Variants in PCDHA8 observed in about 807,000 individuals in gnomAD.
PCDHA8 encodes the protein protocadherin alpha 8, also known as protocadherin alpha-8.
In PCDHA8, 53 loss-of-function variants were observed where a neutral mutation model predicts 61.8. That is an observed-to-expected ratio of 0.86 (90% confidence interval 0.69 to 1.08). The LOEUF (loss-of-function observed/expected upper bound fraction) is 1.08. Ranked by LOEUF, PCDHA8 falls within the 50% of genes least tolerant of loss-of-function variation. PCDHA8 has a pLI of 0.00. For synonymous variants in PCDHA8, 618 were observed against 556.6 expected, an observed-to-expected ratio of 1.11 and a Z score of -1.55; for missense variants, 1,293 against 1,245.0, an observed-to-expected ratio of 1.04 and a Z score of -0.58.
intron 1 of PCDHA8, among the ~76,000 whole-genome samples, chr5:140,973,706 G>A (rs143845626): frequency 4.6e-5 from 7 of 152,274 alleles, no homozygotes; most frequent in South Asian, 4.1e-4. Context: ...TCTGACCCAG[G>A]AGTGAGCCAT....
Position 140,856,118 on chromosome 5 carries a change from G to A in PCDHA8, c.2394+12403G>A. On this transcript the variant is annotated intron_variant, in intron 1 of 3. Coordinates refer to ENST00000531613, the MANE Select transcript of PCDHA8 (RefSeq NM_018911.3). ...CTCGCTTCTTCTCCTCGCAGCCTGG[G>A]AGGTGGGGAGCGGCCAGCTCCACTA... 1.3e-6 allele frequency: 2 copies of A among 1,598,234 alleles called. 1 individual carries two copies. The highest frequency in any genetic ancestry group is 2.7e-5 in the African/African-American group (2 of 74,402).
chr5:140,903,415 A>T (rs1303652958), intron 1 of PCDHA8, among the ~76,000 whole-genome samples: 1 of 152,238 alleles, frequency 6.6e-6, no homozygotes, highest in East Asian at 1.9e-4. Flanking sequence ...GTCAGGAAAA[A>T]TTCAGCACAA....
At chr5:140,877,376 G>C in intron 1 of PCDHA8, 1 of 1,614,014 alleles carries the variant, frequency 6.2e-7, no homozygotes, top group South Asian at 1.1e-5. Flanking sequence ...AGCACGACAC[G>C]CATCCTGGAT....
At chr5:140,862,999 C>T (rs547997534) in intron 1 of PCDHA8, 28 of 550,142 alleles carry the variant, frequency 5.1e-5, no homozygotes, top group African/African-American at 4.9e-4. Context: ...GCACGGTGGA[C>T]TCCAGCTATG....
chr5:141,008,871 C>T (rs1249220900), intron 3 of PCDHA8, among the ~76,000 whole-genome samples: 2 of 152,168 alleles, frequency 1.3e-5, no homozygotes, highest in African/African-American at 4.8e-5. Context: ...TGCTGCATCC[C>T]ACCACCCTTC....
chr5:140,971,202 C>T (rs1486022070), intron 1 of PCDHA8, among the ~76,000 whole-genome samples: 1 of 152,156 alleles, frequency 6.6e-6, no homozygotes, highest in Non-Finnish European at 1.5e-5. Context: ...AGGAAAGACA[C>T]TGTTACCCTC....
intron 1 of PCDHA8, chr5:140,928,545 T>C: frequency 6.2e-7 from 1 of 1,614,220 alleles, no homozygotes; most frequent in Non-Finnish European, 8.5e-7. Flanking sequence ...GGAATGACAA[T>C]TATCCGGTTA....
intron 1 of PCDHA8, chr5:140,926,614 C>A (rs2083406581): frequency 5.3e-6 from 2 of 377,642 alleles, no homozygotes; most frequent in Admixed American, 4.4e-5. Context: ...TCTCTGCACC[C>A]CTAGGCGGCG....
chr5:140,971,420 TGAA>T (rs782149033), intron 1 of PCDHA8, among the ~76,000 whole-genome samples: 3 of 152,112 alleles, frequency 2.0e-5, no homozygotes, highest in Non-Finnish European at 4.4e-5. Flanking sequence ...GGAAATCCAG[TGAA>T]GAACCCCAAG....
chr5:140,968,114 A>G, intron 1 of PCDHA8: 1 of 1,614,164 alleles, frequency 6.2e-7, no homozygotes, highest in Non-Finnish European at 8.5e-7. Context: ...ACCGCAGCTC[A>G]CATCCCTGCG....
chr5:140,985,739 CTTTTTTTTT>C (rs11372071), intron 3 of PCDHA8, among the ~76,000 whole-genome samples: 4 of 117,922 alleles, frequency 3.4e-5, no homozygotes, highest in African/African-American at 3.2e-5. Flanking sequence ...TGATGAATTC[CTTTTTTTTT>C]TTTTTTTTTT....
At chr5:140,858,175 G>A in intron 1 of PCDHA8, 2 of 1,597,716 alleles carry the variant, frequency 1.3e-6, no homozygotes, top group Non-Finnish European at 1.7e-6. Flanking sequence ...CCAGCTTGCT[G>A]GTGCTCACGC....
At chr5:140,869,733 G>A (rs2051364392) in intron 1 of PCDHA8, 1 of 1,613,178 alleles carries the variant, frequency 6.2e-7, no homozygotes, top group Non-Finnish European at 8.5e-7. Context: ...AACTTAATTT[G>A]CTGCTAACAG....
chr5:140,924,900 A>T (rs622703), intron 1 of PCDHA8, among the ~76,000 whole-genome samples: 5 of 63,248 alleles, frequency 7.9e-5, no homozygotes, highest in Admixed American at 1.7e-4. Flanking sequence ...GTCTCAAAAA[A>T]AAAAATAAAA....
At chr5:140,884,129 C>T (rs1554181252) in intron 1 of PCDHA8, 1 of 1,613,420 alleles carries the variant, frequency 6.2e-7, no homozygotes, top group Non-Finnish European at 8.5e-7. Context: ...CGCGCGCATC[C>T]CGTTCCGCGT....
At chr5:140,951,967 C>A (rs2094665815) in intron 1 of PCDHA8, among the ~76,000 whole-genome samples, 1 of 152,166 alleles carries the variant, frequency 6.6e-6, no homozygotes, top group South Asian at 2.1e-4. Context: ...GTAAATACTC[C>A]TGTTCCAAAA....
intron 1 of PCDHA8, chr5:140,858,461 C>G: frequency 1.3e-6 from 2 of 1,524,640 alleles, no homozygotes; most frequent in Non-Finnish European, 1.8e-6. Flanking sequence ...TTTCATTTTC[C>G]TTTTGTGCTT....
chr5:140,875,426 A>G, intron 1 of PCDHA8: 1 of 1,532,482 alleles, frequency 6.5e-7, no homozygotes, highest in Non-Finnish European at 8.7e-7. Context: ...CAGGCAAGCG[A>G]TCCCTTAAAA....
At chr5:140,956,381 G>T (rs1380347643) in intron 1 of PCDHA8, among the ~76,000 whole-genome samples, 2 of 152,090 alleles carry the variant, frequency 1.3e-5, no homozygotes, top group African/African-American at 4.8e-5. Context: ...TTTTATCGAA[G>T]GCCTTTTCTG....
Sources: gnomAD v4.1 joint callset for allele counts (sites outside exome capture counted in the v4.1 genomes callset) on GRCh38, gnomAD v4.1.1 for gene constraint, MANE v1.5 for transcripts, NCBI Gene and HGNC (gene_info 2026-07-23, HGNC 2026-07-21) for gene names.